PLXDC2: variants seen among roughly 807,000 people sequenced by gnomAD.
PLXDC2 encodes the protein plexin domain containing 2.
PLXDC2 carries 40 observed loss-of-function variants against 68.9 expected under a neutral mutation model. The ratio of observed to expected loss-of-function variants is 0.58; its 90% CI spans 0.45 to 0.76. The LOEUF (loss-of-function observed/expected upper bound fraction) is 0.76. Among genes scored for constraint, PLXDC2 ranks in the 30% least tolerant of loss-of-function variants. The pLI, the probability that PLXDC2 is intolerant of heterozygous loss-of-function variation, is 0.00. For synonymous variants in PLXDC2, 243 were observed against 234.2 expected (o/e 1.04, Z -0.34); for missense variants, 644 against 661.9 (o/e 0.97, Z 0.30).
chr10:19,984,589 T>C (rs546068786), intron 1 of PLXDC2, among the ~76,000 whole-genome samples: 7 of 152,216 alleles, frequency 4.6e-5, no homozygotes, highest in Non-Finnish European at 1.0e-4. Context: ...ATTATTACTT[T>C]TGAGTGGGAC....
At chr10:19,886,248 T>C (rs1260091719) in intron 1 of PLXDC2, among the ~76,000 whole-genome samples, 1 of 152,180 alleles carries the variant, frequency 6.6e-6, no homozygotes, top group South Asian at 2.1e-4. Flanking sequence ...CTTAAGGAGA[T>C]TTTGGGCTGA....
chr10:20,054,717 G>A (rs12265239), intron 3 of PLXDC2, among the ~76,000 whole-genome samples: 5 of 151,910 alleles, frequency 3.3e-5, no homozygotes, highest in African/African-American at 9.7e-5. Flanking sequence ...GTGGGGTGAG[G>A]GGGGAGGGAT....
intron 1 of PLXDC2, among the ~76,000 whole-genome samples, chr10:19,950,759 G>A (rs562603979): frequency 4.1e-4 from 63 of 152,112 alleles, no homozygotes; most frequent in African/African-American, 1.5e-3. Context: ...CATAGTATAC[G>A]GCTACAGTAA....
rs1836153972 is a variant in PLXDC2 at position 20,286,473 on chromosome 10, A to G, written c.*6654A>G. ...TCATTCCACGAGAATTTTGATTTTT[A>G]ACAGCAGTCTCTCTTTTTCTCAGCA... On this transcript the variant is annotated 3_prime_UTR_variant, in exon 14 of 14. Coordinates refer to ENST00000377252, the MANE Select transcript of PLXDC2 (RefSeq NM_032812.9). 1 of 152,138 alleles carries G rather than the reference A, an allele frequency of 6.6e-6. No homozygotes were observed. Among genetic ancestry groups the G allele is most frequent in the African/African-American group, 2.4e-5 (1 of 41,440 alleles). 9.4% of individuals were successfully genotyped at this position (152,138 alleles called of 1,614,324 possible).
At chr10:19,943,570 A>C (rs532427954) in intron 1 of PLXDC2, among the ~76,000 whole-genome samples, 1 of 152,354 alleles carries the variant, frequency 6.6e-6, no homozygotes, top group South Asian at 2.1e-4. Flanking sequence ...GACCTGTTGA[A>C]GCACAAAATT....
chr10:20,156,365 A>C (rs1834217631), intron 6 of PLXDC2, among the ~76,000 whole-genome samples: 1 of 152,210 alleles, frequency 6.6e-6, no homozygotes, highest in South Asian at 2.1e-4. Flanking sequence ...TAAAACAGAT[A>C]TGTTGCCGAC....
In PLXDC2 at chr10:20,287,134, C is replaced by G. The variant is rs540897969; in HGVS notation, c.*7315C>G. 1 of 152,382 alleles carries G rather than the reference C, an allele frequency of 6.6e-6. No individual in the cohort carries two copies. The highest frequency in any genetic ancestry group is 2.1e-4 in the South Asian group (1 of 4,824). 9.4% of individuals were successfully genotyped at this position (152,382 alleles called of 1,614,324 possible). ...TGGGGCACATATTCTGCAAGCAATG[C>G]TGAGACCCCTGACATAGAGAAAGCA... On this transcript the variant is annotated 3_prime_UTR_variant, in exon 14 of 14. Transcript: ENST00000377252.
chr10:20,117,900 A>G (rs1192380101), intron 4 of PLXDC2, among the ~76,000 whole-genome samples: 2 of 152,206 alleles, frequency 1.3e-5, no homozygotes, highest in Non-Finnish European at 2.9e-5. Flanking sequence ...ACCACGGCTG[A>G]AATGCTTTTA....
At chr10:20,274,350 A>G (rs1835977405) in intron 13 of PLXDC2, among the ~76,000 whole-genome samples, 1 of 152,146 alleles carries the variant, frequency 6.6e-6, no homozygotes, top group Admixed American at 6.6e-5. Flanking sequence ...AATCACACAA[A>G]TTGTATGTTT....
intron 6 of PLXDC2, among the ~76,000 whole-genome samples, chr10:20,155,208 T>C (rs2131805336): frequency 1.3e-5 from 2 of 152,304 alleles, no homozygotes; most frequent in East Asian, 3.9e-4. Context: ...TTTCTCTTAT[T>C]TAAACTGTAA....
intron 9 of PLXDC2, among the ~76,000 whole-genome samples, chr10:20,185,308 A>G (rs1405128583): frequency 3.9e-5 from 6 of 152,016 alleles, no homozygotes; most frequent in Admixed American, 3.9e-4. Context: ...TTAAGAGACA[A>G]TGTGTCAGGC....
At chr10:19,942,870 C>T (rs546487289) in intron 1 of PLXDC2, among the ~76,000 whole-genome samples, 7 of 152,236 alleles carry the variant, frequency 4.6e-5, no homozygotes, top group Non-Finnish European at 8.8e-5. Flanking sequence ...TATATTATAT[C>T]GTTTTATCCT....
intron 1 of PLXDC2, among the ~76,000 whole-genome samples, chr10:19,947,583 A>G (rs905799870): frequency 5.3e-5 from 8 of 152,170 alleles, no homozygotes; most frequent in Admixed American, 5.2e-4. Flanking sequence ...TTTTGGAAAA[A>G]ATTGACCTGT....
intron 1 of PLXDC2, among the ~76,000 whole-genome samples, chr10:19,907,178 T>TA (rs1833179092): frequency 6.6e-6 from 1 of 152,182 alleles, no homozygotes; most frequent in African/African-American, 2.4e-5. Context: ...TCTTGAGCGC[T>TA]AAGAGCCTGA....
chr10:20,153,084 C>T (rs1160305942), intron 6 of PLXDC2, among the ~76,000 whole-genome samples: 1 of 152,082 alleles, frequency 6.6e-6, no homozygotes, highest in Non-Finnish European at 1.5e-5. Flanking sequence ...CCTTAGTGCC[C>T]CTGAATGCAT....
intron 4 of PLXDC2, among the ~76,000 whole-genome samples, chr10:20,137,027 A>G (rs2131782739): frequency 6.6e-6 from 1 of 152,302 alleles, no homozygotes; most frequent in Non-Finnish European, 1.5e-5. Flanking sequence ...TTGGACCCTC[A>G]GGTTTTTGTT....
intron 1 of PLXDC2, among the ~76,000 whole-genome samples, chr10:19,905,289 A>G (rs552435599): frequency 3.3e-5 from 5 of 152,370 alleles, no homozygotes; most frequent in African/African-American, 9.6e-5. Context: ...GACATAATTT[A>G]ACTAGAGGCC....
intron 4 of PLXDC2, among the ~76,000 whole-genome samples, chr10:20,120,307 G>A (rs970071786): frequency 8.5e-5 from 13 of 152,202 alleles, no homozygotes; most frequent in African/African-American, 3.1e-4. Flanking sequence ...TTCTGAGAAG[G>A]GAAAGTGATA....
intron 4 of PLXDC2, among the ~76,000 whole-genome samples, chr10:20,129,291 G>T (rs978407967): frequency 2.6e-5 from 4 of 151,926 alleles, no homozygotes; most frequent in African/African-American, 4.8e-5. Flanking sequence ...GAGAAATGTC[G>T]GTTCAAGTCA....
Sources: allele counts gnomAD v4.1 joint callset (sites outside exome capture counted in the v4.1 genomes callset), GRCh38; gene constraint gnomAD v4.1.1; transcripts MANE v1.5; gene names NCBI Gene and HGNC (gene_info 2026-07-23, HGNC 2026-07-21).